The following PI4KA variants were observed in gnomAD, a reference collection of about 807,000 sequenced individuals.
The protein encoded by PI4KA is PI4-kinase alpha.
A neutral mutation model predicts 271.4 loss-of-function variants in PI4KA; 122 were observed. The ratio of observed to expected loss-of-function variants is 0.45; its 90% CI spans 0.39 to 0.52. The LOEUF is 0.52. PI4KA is among the 20% of genes least tolerant of loss of function. PI4KA has a pLI of 0.00. For missense variants in PI4KA, 1,969 were observed against 2,769.1 expected, an observed-to-expected ratio of 0.71 and a Z score of 6.48; for synonymous variants, 1,041 against 1,078.8, an observed-to-expected ratio of 0.96 and a Z score of 0.69.
chr22:20,717,177 A>C (rs543981482), intron 45 of PI4KA, among the ~76,000 whole-genome samples: 42 of 152,268 alleles, frequency 2.8e-4, no homozygotes, highest in African/African-American at 7.5e-4. Flanking sequence ...CATCTCAAAA[A>C]AACAACAACA....
chr22:20,815,004 T>A (rs1021930946), intron 7 of PI4KA, among the ~76,000 whole-genome samples: 1 of 151,698 alleles, frequency 6.6e-6, no homozygotes, highest in Non-Finnish European at 1.5e-5. Flanking sequence ...ATAAATAAAA[T>A]TATTTTAAAT....
chr22:20,709,526 G>A, intron 53 of PI4KA, 147 bp from the exon 54 acceptor site: 5 of 666,646 alleles, frequency 7.5e-6, no homozygotes, highest in Middle Eastern at 4.0e-4. Flanking sequence ...TTGGAAGATG[G>A]GGTGCTGTGA....
chr22:20,830,346 G>A (rs1055107512), intron 3 of PI4KA, among the ~76,000 whole-genome samples: 16 of 112,838 alleles, frequency 1.4e-4, no homozygotes, highest in Non-Finnish European at 2.0e-4. Flanking sequence ...ATTTGCTCCC[G>A]TGTTGGATAT....
chr22:20,731,234 A>G (rs1478164590), intron 36 of PI4KA, among the ~76,000 whole-genome samples: 1 of 152,230 alleles, frequency 6.6e-6, no homozygotes, highest in Non-Finnish European at 1.5e-5. Context: ...TTTCTTGATA[A>G]AAGATGGCAG....
intron 20 of PI4KA, 150 bp downstream of exon 20, chr22:20,765,435 G>T (rs1932434067): frequency 2.7e-6 from 2 of 741,976 alleles, no homozygotes; most frequent in South Asian, 3.4e-5. Context: ...CTACATCTGG[G>T]GACAGTAACA....
intron 1 of PI4KA, among the ~76,000 whole-genome samples, chr22:20,844,495 C>A (rs557060257): frequency 2.0e-5 from 3 of 152,316 alleles, no homozygotes; most frequent in African/African-American, 7.2e-5. Flanking sequence ...GTCACTCCCT[C>A]ATGAGCGTTA....
rs1229237403 is a variant in PI4KA, at chr22:20,751,360, T to C, written c.3086A>G (p.Gln1029Arg). The C allele has an allele frequency of 2.4e-5, 38 of 1,613,802 alleles. No homozygotes were observed. The highest frequency in any genetic ancestry group is 3.1e-5 in the Non-Finnish European group (36 of 1,179,908). ...GGCGTCGGGGATGTCATAGTAAGGC[T>C]GATCCTTGTGAATATCCTGCAAGCA... ...LSLSADIHKD[Q>R]PYYDIPDAPY... The change falls in exon 27 of 55, where the codon CAG becomes CGG. Residue 1029 changes from glutamine (Q) to arginine (R), a missense_variant. Transcript: ENST00000255882.
At chr22:20,739,588 A>G (rs1008870371) in intron 32 of PI4KA, among the ~76,000 whole-genome samples, 11 of 151,886 alleles carry the variant, frequency 7.2e-5, no homozygotes, top group Non-Finnish European at 1.6e-4. Flanking sequence ...AGAAACAAAA[A>G]CTTTCAAACA....
intron 10 of PI4KA, among the ~76,000 whole-genome samples, chr22:20,805,701 G>A (rs547726432): frequency 7.9e-5 from 12 of 151,908 alleles, no homozygotes; most frequent in Non-Finnish European, 1.6e-4. Context: ...GCGTGGTGGT[G>A]GGCGCCTGTA....
At chr22:20,761,684 G>T (rs1019699620) in intron 22 of PI4KA, among the ~76,000 whole-genome samples, 6 of 151,974 alleles carry the variant, frequency 3.9e-5, no homozygotes, top group Admixed American at 6.5e-5. Context: ...CTCACCAACA[G>T]GAGACTGGGC....
In PI4KA at chr22:20,742,151, G is replaced by A. The variant is rs1006812447; in HGVS notation, c.3741+77C>T. On this transcript the variant is annotated intron_variant, in intron 32 of 54. Transcript: ENST00000255882. ...TTGCCCAGTGTCTCCATGCTTGGTGGTGGCGGCACCAGGGAAGGCTCTTCC... is the reference window on the plus strand; with the variant it reads ...TTGCCCAGTGTCTCCATGCTTGGTGATGGCGGCACCAGGGAAGGCTCTTCC... 16 of 1,482,650 alleles carry A rather than the reference G, an allele frequency of 1.1e-5. No individual in the cohort carries two copies. The African/African-American group carries it at 2.2e-4, about 20-fold the overall frequency. 91.8% of individuals were successfully genotyped at this position (1,482,650 alleles called of 1,614,324 possible).
intron 1 of PI4KA, among the ~76,000 whole-genome samples, chr22:20,858,101 T>C (rs1438068781): frequency 6.6e-6 from 1 of 152,186 alleles, no homozygotes; most frequent in Non-Finnish European, 1.5e-5. Context: ...CACAGTCCGG[T>C]GAAGCCGGCA....
intron 40 of PI4KA, 129 bp from the exon 41 acceptor site, chr22:20,727,526 T>C: frequency 1.1e-6 from 1 of 886,160 alleles, no homozygotes; most frequent in Non-Finnish European, 1.7e-6. Context: ...ATGGGGAAGA[T>C]GCTTCTGATG....
intron 42 of PI4KA, among the ~76,000 whole-genome samples, chr22:20,722,679 T>C (rs1926881725): frequency 6.6e-6 from 1 of 152,212 alleles, no homozygotes; most frequent in Admixed American, 6.5e-5. Context: ...TTTAATTCCA[T>C]GCCCTAGGTT....
chr22:20,717,915 C>A (rs564022721), intron 44 of PI4KA, 137 bp from the exon 45 acceptor site: 21 of 660,064 alleles, frequency 3.2e-5, no homozygotes, highest in Admixed American at 1.1e-4. Flanking sequence ...CGCAGCCAGG[C>A]ACCACTGGCA....
chr22:20,829,772 T>C (rs1555906687), intron 3 of PI4KA, among the ~76,000 whole-genome samples: 1 of 152,134 alleles, frequency 6.6e-6, no homozygotes, highest in Non-Finnish European at 1.5e-5. Context: ...GATCTAACTT[T>C]TCAACGTCAG....
intron 15 of PI4KA, 146 bp downstream of exon 15, chr22:20,799,525 T>C: frequency 1.4e-6 from 1 of 740,130 alleles, no homozygotes; most frequent in Non-Finnish European, 2.3e-6. Flanking sequence ...GGGCTTCACC[T>C]TAAATCTTGT....
In PI4KA at chr22:20,712,599, C is replaced by T. The variant is rs1288806292; in HGVS notation, c.5689G>A (p.Glu1897Lys). The change falls in exon 50 of 55, where the codon GAG (glutamate) becomes AAG (lysine). Residue 1897 changes from glutamate to lysine, a missense_variant. Physicochemically the swap from Glu to Lys is moderately conservative, Grantham distance 56. Transcript: ENST00000255882. ...VATAPGCGVIECIPDCTSRDQ... is the reference protein window; with the variant it reads ...VATAPGCGVIKCIPDCTSRDQ... Reference sequence around the variant, plus strand: ...CGGGAGGTGCAGTCGGGGATGCACTCGATCACCCCGCACTAGGAGGAAAGG... The same window carrying T: ...CGGGAGGTGCAGTCGGGGATGCACTTGATCACCCCGCACTAGGAGGAAAGG... The T allele has an allele frequency of 9.5e-6, 15 of 1,584,060 alleles. No homozygotes were observed. Among genetic ancestry groups the T allele is most frequent in the East Asian group, 2.3e-5 (1 of 42,922 alleles).
At chr22:20,779,230 T>G (rs758100513) in intron 19 of PI4KA, 2 of 1,606,938 alleles carry the variant, frequency 1.2e-6, no homozygotes, top group Non-Finnish European at 8.5e-7. Context: ...GAACCTGCCA[T>G]GTGGATGCTG....
Sources: gnomAD v4.1 joint callset for allele counts (sites outside exome capture counted in the v4.1 genomes callset) on GRCh38, gnomAD v4.1.1 for gene constraint, MANE v1.5 for transcripts, NCBI Gene and HGNC (gene_info 2026-07-23, HGNC 2026-07-21) for gene names.